Variants in KCNQ3 observed in about 807,000 individuals in gnomAD.
KCNQ3 encodes potassium voltage-gated channel subfamily Q member 3, also known as potassium voltage-gated channel subfamily KQT member 3.
Under a neutral mutation model 92.5 loss-of-function variants are expected in KCNQ3, and 30 were observed. That is an observed-to-expected ratio of 0.32 (90% CI 0.24 to 0.44). The LOEUF (loss-of-function observed/expected upper bound fraction) is 0.44. KCNQ3 is among the 20% of genes least tolerant of loss of function. The pLI is 1.00. For missense variants in KCNQ3, 913 were observed against 1,140.3 expected (o/e 0.80, Z 2.87); for synonymous variants, 450 against 468.8 (o/e 0.96, Z 0.52).
At chr8:132,331,337 C>T (rs1818222925) in intron 1 of KCNQ3, among the ~76,000 whole-genome samples, 1 of 152,190 alleles carries the variant, frequency 6.6e-6, no homozygotes, top group African/African-American at 2.4e-5. Context: ...CCAGAGTTAG[C>T]CTCAGTCAGG....
intron 9 of KCNQ3, among the ~76,000 whole-genome samples, chr8:132,153,689 G>GA (rs1404884327): frequency 6.6e-6 from 1 of 151,942 alleles, no homozygotes; most frequent in African/African-American, 2.4e-5. Flanking sequence ...GACAGCAGGA[G>GA]AAAGAGGGCA....
At chr8:132,428,509 G>A (rs1455941597) in intron 1 of KCNQ3, among the ~76,000 whole-genome samples, 1 of 152,088 alleles carries the variant, frequency 6.6e-6, no homozygotes, top group African/African-American at 2.4e-5. Context: ...CTTGCCCCCA[G>A]AACCCAGGAG....
intron 1 of KCNQ3, among the ~76,000 whole-genome samples, chr8:132,419,472 C>T (rs1018580680): frequency 6.6e-6 from 1 of 152,140 alleles, no homozygotes; most frequent in Admixed American, 6.5e-5. Flanking sequence ...AAAAAACATC[C>T]AGTGCCTGAG....
intron 1 of KCNQ3, among the ~76,000 whole-genome samples, chr8:132,372,903 C>T (rs1195607611): frequency 6.6e-6 from 1 of 152,052 alleles, no homozygotes; most frequent in Non-Finnish European, 1.5e-5. Flanking sequence ...CTGCAGAGCT[C>T]GGCTCCTGGG....
rs1272845098 is a variant in KCNQ3, at chr8:132,241,687, AGC to A, written c.387-55508_387-55507del. Reference sequence around the variant, plus strand: ...CGTCTCCACTAAACACACAAAAATTAGCCAGGTGTGCTGGCGGGCACTTGTAA... The same window carrying A: ...CGTCTCCACTAAACACACAAAAATTACAGGTGTGCTGGCGGGCACTTGTAA... On this transcript the variant is annotated intron_variant, in intron 1 of 14. Coordinates refer to ENST00000388996, the MANE Select transcript of KCNQ3 (RefSeq NM_004519.4). Among the ~76,000 whole-genome samples the A allele has an allele frequency of 2.0e-5, 3 of 152,310 alleles. No individual in the cohort carries two copies. The East Asian group carries it at 5.8e-4, about 29-fold the overall frequency.
chr8:132,424,698 G>A (rs950508036), intron 1 of KCNQ3, among the ~76,000 whole-genome samples: 2 of 152,204 alleles, frequency 1.3e-5, no homozygotes, highest in African/African-American at 2.4e-5. Flanking sequence ...GAACTCATCA[G>A]GGTATCACTC....
At chr8:132,349,385 C>A (rs1818791296) in intron 1 of KCNQ3, among the ~76,000 whole-genome samples, 1 of 152,210 alleles carries the variant, frequency 6.6e-6, no homozygotes, top group Non-Finnish European at 1.5e-5. Context: ...AGATACGCTG[C>A]ATTTTTCCTT....
At chr8:132,195,640 G>A (rs1827279907) in intron 1 of KCNQ3, among the ~76,000 whole-genome samples, 1 of 152,216 alleles carries the variant, frequency 6.6e-6, no homozygotes, top group African/African-American at 2.4e-5. Flanking sequence ...TACAGCTATG[G>A]GCTCCTCATA....
chr8:132,369,468 A>G (rs935171761), intron 1 of KCNQ3, among the ~76,000 whole-genome samples: 1 of 152,060 alleles, frequency 6.6e-6, no homozygotes, highest in African/African-American at 2.4e-5. Context: ...AATAAAAGAA[A>G]CCAGGGTTCC....
At chr8:132,140,952 C>T (rs1228523986) in intron 10 of KCNQ3, 177 bp downstream of exon 10, 1 of 654,304 alleles carries the variant, frequency 1.5e-6, no homozygotes, top group East Asian at 2.7e-5. Flanking sequence ...ATCACAATGC[C>T]TCAGCCCAAG....
At chr8:132,135,274 T>G (rs886584856) in intron 12 of KCNQ3, among the ~76,000 whole-genome samples, 15 of 152,236 alleles carry the variant, frequency 9.9e-5, no homozygotes, top group African/African-American at 3.4e-4. Context: ...TGGCTGCGTA[T>G]TACTCTGTGA....
chr8:132,221,899 G>T (rs200055081), intron 1 of KCNQ3, among the ~76,000 whole-genome samples: 3 of 151,984 alleles, frequency 2.0e-5, no homozygotes, highest in East Asian at 3.9e-4. Context: ...TCCTTACACC[G>T]TATACAAAAA....
chr8:132,361,224 AGTTT>A (rs752139118), intron 1 of KCNQ3, among the ~76,000 whole-genome samples: 1 of 152,166 alleles, frequency 6.6e-6, no homozygotes, highest in Non-Finnish European at 1.5e-5. Context: ...GAAGCCAAGT[AGTTT>A]GTTTATAAGT....
chr8:132,311,029 T>C (rs532417307), intron 1 of KCNQ3, among the ~76,000 whole-genome samples: 1 of 151,812 alleles, frequency 6.6e-6, no homozygotes, highest in Admixed American at 6.6e-5. Context: ...CAACCTCTCC[T>C]GGGTTCAAGC....
At chr8:132,205,132 G>A (rs940588100) in intron 1 of KCNQ3, among the ~76,000 whole-genome samples, 2 of 152,114 alleles carry the variant, frequency 1.3e-5, no homozygotes, top group Admixed American at 1.3e-4. Flanking sequence ...CTTGTCATAG[G>A]ACACATTGTA....
chr8:132,129,667 T>C lies in KCNQ3; in HGVS notation c.2214A>G (p.Ala738=). Residue 738 remains alanine (A), a synonymous_variant, in exon 15 of 15, where the codon GCA becomes GCG. Transcript: ENST00000388996. The surrounding 1 kb of genome is among the most constrained non-coding windows in gnomAD (Gnocchi z 5.9). ...GKVQATPPSS[A]TTYVERPTVL... is the part of the protein sequence containing the mutation. ...CCGTGGGCCTCTCCACATACGTTGT[T>C]GCTGAGGAAGGAGGAGTTGCCTGAA... is the stretch of plus-strand genomic sequence containing the variant. The C allele has an allele frequency of 6.2e-7, 1 of 1,614,154 alleles. No homozygotes were observed. Among genetic ancestry groups the C allele is most frequent in the Non-Finnish European group, 8.5e-7 (1 of 1,180,024 alleles).
chr8:132,243,064 T>C (rs568427217), intron 1 of KCNQ3, among the ~76,000 whole-genome samples: 1 of 152,190 alleles, frequency 6.6e-6, no homozygotes, highest in African/African-American at 2.4e-5. Flanking sequence ...GAAGGAACCC[T>C]AGCAGCAGTG....
intron 1 of KCNQ3, among the ~76,000 whole-genome samples, chr8:132,392,165 A>C (rs1379344069): frequency 6.6e-6 from 1 of 152,086 alleles, no homozygotes; most frequent in Non-Finnish European, 1.5e-5. Context: ...AAATTGAGTC[A>C]CTTTCTTGTC....
chr8:132,468,402 AT>A (rs1822228989), intron 1 of KCNQ3, among the ~76,000 whole-genome samples: 1 of 152,218 alleles, frequency 6.6e-6, no homozygotes, highest in Non-Finnish European at 1.5e-5. Flanking sequence ...AGAAGACACC[AT>A]CAAGGCAGAA....
Sources: allele counts gnomAD v4.1 joint callset (sites outside exome capture counted in the v4.1 genomes callset), GRCh38; gene constraint gnomAD v4.1.1; non-coding constraint Gnocchi (gnomAD v3.1); transcripts MANE v1.5; gene names NCBI Gene and HGNC (gene_info 2026-07-23, HGNC 2026-07-21).